The following COBLL1 variants were observed in gnomAD, a reference collection of about 807,000 sequenced individuals.
COBLL1 encodes cordon-bleu WH2 repeat protein like 1.
A neutral mutation model predicts 94.8 loss-of-function variants in COBLL1; 50 were observed. That is an observed-to-expected ratio of 0.53 (90% CI 0.42 to 0.67). The LOEUF (loss-of-function observed/expected upper bound fraction) is 0.67, where lower values mean the gene tolerates loss of function less well. Among genes scored for constraint, COBLL1 ranks in the 30% least tolerant of loss-of-function variants. COBLL1 has a pLI of 0.00. For synonymous variants in COBLL1, 448 were observed against 473.8 expected (o/e 0.95, Z 0.71); for missense variants, 1,362 against 1,348.7 (o/e 1.01, Z -0.15).
intron 12 of COBLL1, 116 bp downstream of exon 12, chr2:164,694,153 T>C: frequency 1.0e-6 from 1 of 1,004,586 alleles, no homozygotes; most frequent in South Asian, 1.6e-5. Context: ...AATAGCTTAA[T>C]TTCAGATGAA....
At chr2:164,775,157 T>TA (rs10669922) in intron 2 of COBLL1, among the ~76,000 whole-genome samples, 46,764 of 148,368 alleles carry the variant, frequency 0.32, 7,662 homozygotes, top group East Asian at 0.49. Context: ...CCCTGCCTCT[T>TA]AAAAAAAAAA....
intron 2 of COBLL1, among the ~76,000 whole-genome samples, chr2:164,827,675 G>C (rs748778058): frequency 7.2e-5 from 11 of 152,144 alleles, no homozygotes; most frequent in Non-Finnish European, 1.5e-4. Context: ...AGATTTCAGG[G>C]TGTTGACACA....
intron 2 of COBLL1, among the ~76,000 whole-genome samples, chr2:164,658,236 C>T (rs1212029214): frequency 1.3e-5 from 2 of 152,134 alleles, no homozygotes; most frequent in African/African-American, 4.8e-5. Flanking sequence ...TCCAGCTAGT[C>T]CTGTCTCTCA....
At chr2:164,769,657 G>A (rs1489066425) in intron 2 of COBLL1, among the ~76,000 whole-genome samples, 2 of 152,122 alleles carry the variant, frequency 1.3e-5, no homozygotes, top group Non-Finnish European at 1.5e-5. Context: ...TCAGGAGTTC[G>A]AGACCAGCCT....
rs200707412 is a variant in COBLL1 at position 164,695,571 on chromosome 2, G to T, written c.1821C>A (p.Thr607=). Residue 607 remains threonine (T), a synonymous_variant, in exon 12 of 14, where the codon ACC becomes ACA. Transcript: ENST00000652658. ...EKTKDAAIQT[T]PSCNSFDGKH... ...TCCCATCAAAACTGTTACAAGAAGGGGTTGTCTGAATTGCTGCATCTTTTG... is the reference window on the plus strand; with the variant it reads ...TCCCATCAAAACTGTTACAAGAAGGTGTTGTCTGAATTGCTGCATCTTTTG... The T allele has an allele frequency of 1.1e-5, 18 of 1,613,812 alleles. No individual in the cohort carries two copies. The South Asian group carries it at 2.0e-4, about 18-fold the overall frequency.
Position 164,690,208 on chromosome 2 carries a change from G to A in COBLL1, c.3300+2013C>T, listed in dbSNP as rs764817018. On this transcript the variant is annotated intron_variant, in intron 13 of 13. Transcript: ENST00000652658. ...ACGTAACTAGAAGTGAAAAATGCTC[G>A]TCATGAAGTTTGTATATTGTGAACT... is the stretch of plus-strand genomic sequence containing the variant. 1.2e-4 allele frequency among the ~76,000 whole-genome samples: 18 copies of A among 152,074 alleles called. No homozygotes were observed. The Middle Eastern group carries it at 0.024, about 201-fold the overall frequency.
chr2:164,840,178 C>A (rs1239716062), intron 2 of COBLL1, among the ~76,000 whole-genome samples: 1 of 152,130 alleles, frequency 6.6e-6, no homozygotes, highest in Non-Finnish European at 1.5e-5. Context: ...TTAGTGACAA[C>A]GTCGATTTTT....
At chr2:164,733,732 C>T (rs970359177) in intron 3 of COBLL1, among the ~76,000 whole-genome samples, 4 of 152,190 alleles carry the variant, frequency 2.6e-5, no homozygotes, top group Admixed American at 6.5e-5. Flanking sequence ...TGATTCCTTA[C>T]ACCAAAGTAA....
chr2:164,832,609 T>C (rs565735965), intron 2 of COBLL1, among the ~76,000 whole-genome samples: 5 of 152,324 alleles, frequency 3.3e-5, no homozygotes, highest in African/African-American at 9.6e-5. Context: ...ATATGTGGTA[T>C]TTTTACACCT....
intron 2 of COBLL1, among the ~76,000 whole-genome samples, chr2:164,756,527 G>A (rs879881427): frequency 1.3e-5 from 2 of 152,118 alleles, no homozygotes; most frequent in Non-Finnish European, 2.9e-5. Flanking sequence ...AGTTGATAGA[G>A]TAATAGTTTA....
At chr2:164,773,742 T>C in intron 2 of COBLL1, 2 of 1,298,520 alleles carry the variant, frequency 1.5e-6, no homozygotes, top group Non-Finnish European at 2.0e-6. Context: ...ACAGTATTGT[T>C]CCTCTAGCGC....
chr2:164,694,843 T>C lies in COBLL1; in HGVS notation c.2549A>G (p.Glu850Gly). The C allele has an allele frequency of 6.2e-7, 1 of 1,613,894 alleles. No individual in the cohort carries two copies. The highest frequency in any genetic ancestry group is 8.5e-7 in the Non-Finnish European group (1 of 1,179,920). The change falls in exon 12 of 14, where the codon GAA becomes GGA. Residue 850 changes from glutamate (E) to glycine (G), a missense_variant. Transcript: ENST00000652658. Reference sequence around the variant, plus strand: ...TGAAGCCCGAGATTTAAATTTTGATTCCAAAATATTGTTTATTTCTTCCAA... The same window carrying C: ...TGAAGCCCGAGATTTAAATTTTGATCCCAAAATATTGTTTATTTCTTCCAA... ...PNLEEINNILESKFKSRASNA... is the reference protein window; with the variant it reads ...PNLEEINNILGSKFKSRASNA...
At chr2:164,749,999 C>T (rs754553173) in intron 2 of COBLL1, among the ~76,000 whole-genome samples, 1 of 152,188 alleles carries the variant, frequency 6.6e-6, no homozygotes, top group Non-Finnish European at 1.5e-5. Flanking sequence ...TCCCCATCCT[C>T]ACCTCCTCTG....
intron 2 of COBLL1, among the ~76,000 whole-genome samples, chr2:164,799,034 A>G (rs1036445758): frequency 1.1e-4 from 16 of 149,000 alleles, no homozygotes; most frequent in Non-Finnish European, 2.2e-4. Context: ...AAAAAAAAAA[A>G]AAAAGAGGGG....
intron 2 of COBLL1, among the ~76,000 whole-genome samples, chr2:164,832,404 T>C (rs1157985849): frequency 6.6e-6 from 1 of 152,214 alleles, no homozygotes; most frequent in Admixed American, 6.5e-5. Flanking sequence ...ATTTTTCTAA[T>C]GATTAATATT....
intron 2 of COBLL1, among the ~76,000 whole-genome samples, chr2:164,788,918 T>C (rs1320119665): frequency 6.6e-6 from 1 of 150,920 alleles, no homozygotes; most frequent in African/African-American, 2.4e-5. Context: ...GTTGGAAAGG[T>C]AGGAGAACAA....
At chr2:164,693,517 T>C (rs1361436844) in intron 12 of COBLL1, among the ~76,000 whole-genome samples, 1 of 152,130 alleles carries the variant, frequency 6.6e-6, no homozygotes, top group Non-Finnish European at 1.5e-5. Flanking sequence ...AGGATTATCA[T>C]AAATCATGCT....
chr2:164,718,331 G>A, intron 7 of COBLL1: 1 of 746,566 alleles, frequency 1.3e-6, no homozygotes, highest in Non-Finnish European at 1.6e-6. Flanking sequence ...TTTAGAGGAT[G>A]AGGTAAGTAA....
Position 164,705,024 on chromosome 2 carries a change from T to C in COBLL1, c.1078A>G (p.Thr360Ala), listed in dbSNP as rs1230699004. ...MSAGNSSLRR[T>A]KRKAPSPPSK... ...GGTGGGGAAGGTGCTTTTCGCTTTG[T>C]CCTTCTCAAAGATGAATTCCCTGCA... The change falls in exon 8 of 14, where the codon ACA becomes GCA. Residue 360 changes from threonine to alanine, a missense_variant. Physicochemically the swap from Thr to Ala is moderately conservative, Grantham distance 58 (BLOSUM62 0). Transcript: ENST00000652658. 2.5e-6 allele frequency: 4 copies of C among 1,604,912 alleles called. No individual in the cohort carries two copies. The highest frequency in any genetic ancestry group is 3.4e-6 in the Non-Finnish European group (4 of 1,175,874).
Sources: gnomAD v4.1 joint callset for allele counts (sites outside exome capture counted in the v4.1 genomes callset) on GRCh38, gnomAD v4.1.1 for gene constraint, MANE v1.5 for transcripts, NCBI Gene and HGNC (gene_info 2026-07-23, HGNC 2026-07-21) for gene names.